TM9SF2: variants seen among roughly 807,000 people sequenced by gnomAD.
TM9SF2 encodes transmembrane 9 superfamily member 2.
TM9SF2 carries 13 observed loss-of-function variants against 84.9 expected under a neutral mutation model. That is an observed-to-expected ratio of 0.15 (90% CI 0.10 to 0.24). The LOEUF (loss-of-function observed/expected upper bound fraction) is 0.24, where lower values mean the gene tolerates loss of function less well. TM9SF2 is among the 10% of genes least tolerant of loss of function. TM9SF2 has a pLI of 1.00. For synonymous variants in TM9SF2, 273 were observed against 285.8 expected, an observed-to-expected ratio of 0.96 and a Z score of 0.45; for missense variants, 562 against 818.5, an observed-to-expected ratio of 0.69 and a Z score of 3.82.
At chr13:99,504,935 A>C (rs1292071759) in intron 1 of TM9SF2, among the ~76,000 whole-genome samples, 1 of 152,160 alleles carries the variant, frequency 6.6e-6, no homozygotes, top group Non-Finnish European at 1.5e-5. Flanking sequence ...TCTATTATGA[A>C]TAGCTTTGCT....
intron 1 of TM9SF2, among the ~76,000 whole-genome samples, chr13:99,507,894 G>C (rs770929602): frequency 2.6e-5 from 4 of 152,184 alleles, no homozygotes; most frequent in Non-Finnish European, 5.9e-5. Flanking sequence ...GCAGAATAAG[G>C]TGGGAATAAA....
At chr13:99,560,830 C>T (rs938181929) in intron 16 of TM9SF2, among the ~76,000 whole-genome samples, 20 of 152,034 alleles carry the variant, frequency 1.3e-4, no homozygotes, top group African/African-American at 4.3e-4. Flanking sequence ...TACAGGCGCC[C>T]GCCACTGCGC....
At chr13:99,555,812 T>TCCCA (rs982912804) in intron 15 of TM9SF2, among the ~76,000 whole-genome samples, 165 bp downstream of exon 15, 165 of 152,298 alleles carry the variant, frequency 1.1e-3, no homozygotes, top group African/African-American at 3.8e-3. Flanking sequence ...GATTAAGATA[T>TCCCA]CCCAGTTCAG....
intron 1 of TM9SF2, among the ~76,000 whole-genome samples, chr13:99,508,444 C>CACACA (rs1555339315): frequency 4.9e-5 from 7 of 143,502 alleles, no homozygotes; most frequent in Admixed American, 7.1e-5. Context: ...CACACACACA[C>CACACA]CCCAGAGATT....
At chr13:99,553,753 C>T (rs1211119525) in intron 13 of TM9SF2, among the ~76,000 whole-genome samples, 1 of 152,130 alleles carries the variant, frequency 6.6e-6, no homozygotes, top group Admixed American at 6.5e-5. Context: ...GATTTTTATA[C>T]CGCCATGTAG....
intron 3 of TM9SF2, among the ~76,000 whole-genome samples, chr13:99,523,251 A>G (rs115683292): frequency 0.012 from 1,859 of 152,276 alleles, 44 homozygotes; most frequent in African/African-American, 0.042. Context: ...TCCCAGGCTC[A>G]ATAAATCCTC....
At chr13:99,513,149 G>A (rs1209171022) in intron 1 of TM9SF2, among the ~76,000 whole-genome samples, 1 of 152,206 alleles carries the variant, frequency 6.6e-6, no homozygotes, top group African/African-American at 2.4e-5. Context: ...TGTCCATGAA[G>A]AATTTAAGCT....
At chr13:99,529,381 A>T in intron 3 of TM9SF2, 86 bp from the exon 4 acceptor site, 1 of 1,266,044 alleles carries the variant, frequency 7.9e-7, no homozygotes, top group Non-Finnish European at 1.0e-6. Context: ...ATTTAATGGG[A>T]CCAGCACTTT....
Position 99,537,778 on chromosome 13 carries a change from C to A in TM9SF2, c.631C>A (p.His211Asn). ...HERDTFYIFN[H>N]VDIKIYYHVV... ...AAGAGATACATTTTACATCTTCAAC[C>A]ATGTTGACATCAAAATATACTATCA... The change falls in exon 6 of 17, where the codon CAT (histidine) becomes AAT (asparagine). Residue 211 changes from histidine to asparagine, a missense_variant. Coordinates refer to ENST00000376387, the MANE Select transcript of TM9SF2 (RefSeq NM_004800.3). The A allele has an allele frequency of 6.2e-7, 1 of 1,610,628 alleles. No homozygotes were observed. Among genetic ancestry groups the A allele is most frequent in the South Asian group, 1.1e-5 (1 of 89,938 alleles).
intron 3 of TM9SF2, among the ~76,000 whole-genome samples, chr13:99,520,376 G>A (rs753872624): frequency 6.6e-6 from 1 of 152,090 alleles, no homozygotes; most frequent in South Asian, 2.1e-4. Context: ...GGCTTAAAGG[G>A]CAGGGCTCAG....
chr13:99,503,664 C>G (rs948594959), intron 1 of TM9SF2, among the ~76,000 whole-genome samples: 1 of 146,086 alleles, frequency 6.8e-6, no homozygotes, highest in Admixed American at 7.0e-5. Context: ...GAGCTGAGAT[C>G]GCGCCATTGC....
chr13:99,521,050 C>T (rs2046157963), intron 3 of TM9SF2, among the ~76,000 whole-genome samples: 1 of 151,966 alleles, frequency 6.6e-6, no homozygotes, highest in Non-Finnish European at 1.5e-5. Flanking sequence ...TTGCATAATC[C>T]CTGTTTGTTT....
intron 6 of TM9SF2, among the ~76,000 whole-genome samples, chr13:99,538,849 A>G (rs1594055945): frequency 2.0e-5 from 3 of 151,672 alleles, no homozygotes; most frequent in East Asian, 1.9e-4. Flanking sequence ...CAGTGAGCCA[A>G]GATCACACTA....
chr13:99,526,033 C>T (rs953813176), intron 3 of TM9SF2, among the ~76,000 whole-genome samples: 10 of 152,262 alleles, frequency 6.6e-5, no homozygotes, highest in South Asian at 4.1e-4. Flanking sequence ...CTCGTTCATC[C>T]GTGGTAACTG....
At position 99,529,472 on chromosome 13, in the gene TM9SF2, G is replaced by T. The variant is rs373385111; in HGVS notation, c.339G>T (p.Thr113=). ...ERIEPSPYKF[T]FNKKETCKLV... is the part of the protein sequence containing the mutation. Reference sequence around the variant, plus strand: ...TCCACTTCCTTTTAATACAGTTTACGTTTAATAAGAAGGAGACCTGTAAGC... The same window carrying T: ...TCCACTTCCTTTTAATACAGTTTACTTTTAATAAGAAGGAGACCTGTAAGC... The change falls in exon 4 of 17, where the codon ACG becomes ACT. Residue 113 remains threonine (T), a synonymous_variant. Coordinates refer to ENST00000376387, the MANE Select transcript of TM9SF2 (RefSeq NM_004800.3). The T allele has an allele frequency of 1.3e-6, 2 of 1,545,680 alleles. No individual in the cohort carries two copies. Among genetic ancestry groups the T allele is most frequent in the Non-Finnish European group, 1.7e-6 (2 of 1,153,516 alleles).
intron 8 of TM9SF2, 90 bp downstream of exon 8, chr13:99,540,883 T>C: frequency 1.7e-6 from 2 of 1,200,602 alleles, no homozygotes; most frequent in Non-Finnish European, 2.4e-6. Context: ...TCCTCTCTAC[T>C]TTATTCAAAA....
intron 1 of TM9SF2, among the ~76,000 whole-genome samples, chr13:99,508,445 C>CA (rs1566562106): frequency 5.0e-5 from 5 of 99,592 alleles, no homozygotes; most frequent in African/African-American, 2.1e-4. Flanking sequence ...ACACACACAC[C>CA]CCAGAGATTC....
At chr13:99,503,826 C>CT (rs2046077797) in intron 1 of TM9SF2, among the ~76,000 whole-genome samples, 1 of 151,684 alleles carries the variant, frequency 6.6e-6, no homozygotes, top group Admixed American at 6.6e-5. Context: ...TCAACAGGTC[C>CT]TTTGGTAAGT....
chr13:99,539,406 G>A (rs776289515), intron 6 of TM9SF2, 40 bp from the exon 7 acceptor site: 30 of 1,263,764 alleles, frequency 2.4e-5, no homozygotes, highest in Non-Finnish European at 3.3e-5. Context: ...TTAAAAAGTT[G>A]TACTTTATCA....
Sources: gnomAD v4.1 joint callset for allele counts (sites outside exome capture counted in the v4.1 genomes callset) on GRCh38, gnomAD v4.1.1 for gene constraint, MANE v1.5 for transcripts, NCBI Gene and HGNC (gene_info 2026-07-23, HGNC 2026-07-21) for gene names.